Variants in INVS observed in about 807,000 individuals in gnomAD.
The protein encoded by INVS is inversin.
A neutral mutation model predicts 108.8 loss-of-function variants in INVS; 86 were observed. The ratio of observed to expected loss-of-function variants is 0.79; its 90% confidence interval spans 0.66 to 0.95. The LOEUF (loss-of-function observed/expected upper bound fraction) is 0.95. Among genes scored for constraint, INVS ranks in the 40% least tolerant of loss-of-function variants. The pLI, the probability that INVS is intolerant of heterozygous loss-of-function variation, is 0.00. For synonymous variants in INVS, 455 were observed against 473.5 expected (o/e 0.96, Z 0.51); for missense variants, 1,169 against 1,297.4 (o/e 0.90, Z 1.52).
chr9:100,172,555 A>G (rs1270152267), intron 3 of INVS, among the ~76,000 whole-genome samples: 2 of 152,200 alleles, frequency 1.3e-5, no homozygotes, highest in African/African-American at 4.8e-5. Flanking sequence ...GCAAGAAAGG[A>G]CAGAAGCTTG....
intron 3 of INVS, among the ~76,000 whole-genome samples, chr9:100,132,962 G>T (rs373263848): frequency 6.6e-6 from 1 of 151,962 alleles, no homozygotes; most frequent in Non-Finnish European, 1.5e-5. Flanking sequence ...AAACTTAGCT[G>T]GGCGTGATGG....
intron 5 of INVS, among the ~76,000 whole-genome samples, chr9:100,232,089 C>T (rs1831530972): frequency 6.6e-6 from 1 of 152,146 alleles, no homozygotes; most frequent in African/African-American, 2.4e-5. Context: ...TTTTGATTTT[C>T]ATTTCTCTAA....
At position 100,301,533 on chromosome 9, in the gene INVS, C is replaced by T. The variant is rs1833969339; in HGVS notation, c.*859C>T. On this transcript the variant is annotated 3_prime_UTR_variant, in exon 17 of 17. Coordinates refer to ENST00000262457, the MANE Select transcript of INVS (RefSeq NM_014425.5). ...GAGCAATCTTCTTAAAATGCCATTT[C>T]TGTTGGCAGGGAAGAATGAAACGGC... Among the ~76,000 whole-genome samples the T allele has an allele frequency of 6.6e-6, 1 of 152,154 alleles. No homozygotes were observed. The highest frequency in any genetic ancestry group is 2.1e-4 in the South Asian group (1 of 4,822).
At chr9:100,226,339 A>T in intron 4 of INVS, 104 bp downstream of exon 4, 1 of 868,892 alleles carries the variant, frequency 1.2e-6, no homozygotes, top group Non-Finnish European at 1.8e-6. Flanking sequence ...ACATATATAC[A>T]TGGTAGAACA....
At chr9:100,192,909 T>C (rs1159670748) in intron 3 of INVS, among the ~76,000 whole-genome samples, 2 of 152,124 alleles carry the variant, frequency 1.3e-5, no homozygotes, top group African/African-American at 4.8e-5. Flanking sequence ...TTTTAGATGC[T>C]ACTACAATAA....
chr9:100,162,577 C>A (rs1829224339), intron 3 of INVS, among the ~76,000 whole-genome samples: 1 of 152,178 alleles, frequency 6.6e-6, no homozygotes, highest in Admixed American at 6.5e-5. Context: ...CATGGAAAAT[C>A]TTCTCAGAAG....
At chr9:100,113,236 CAG>C (rs748948822) in intron 2 of INVS, among the ~76,000 whole-genome samples, 4 of 146,330 alleles carry the variant, frequency 2.7e-5, no homozygotes, top group African/African-American at 9.9e-5. Context: ...TTGTACTACA[CAG>C]AGTCTTGTGC....
chr9:100,230,455 T>G (rs2118433416), intron 5 of INVS, among the ~76,000 whole-genome samples: 1 of 152,058 alleles, frequency 6.6e-6, no homozygotes, highest in Non-Finnish European at 1.5e-5. Context: ...CATGTTTTTG[T>G]TTTTGTTTTG....
intron 5 of INVS, among the ~76,000 whole-genome samples, chr9:100,231,023 G>T (rs1433759829): frequency 6.6e-6 from 1 of 152,140 alleles, no homozygotes; most frequent in Non-Finnish European, 1.5e-5. Flanking sequence ...TGTTATAGGT[G>T]TATAGGAATG....
chr9:100,145,694 C>T (rs1212301691), intron 3 of INVS, among the ~76,000 whole-genome samples: 2 of 152,060 alleles, frequency 1.3e-5, no homozygotes, highest in Non-Finnish European at 2.9e-5. Context: ...GCAGGCGTCC[C>T]CGTGTGGTCA....
chr9:100,148,637 CAGT>C (rs796410106), intron 3 of INVS, among the ~76,000 whole-genome samples: 37 of 152,102 alleles, frequency 2.4e-4, no homozygotes, highest in African/African-American at 8.4e-4. Flanking sequence ...GGAGAAGAGG[CAGT>C]AGAAGAATTA....
chr9:100,204,284 A>G (rs1588086687), intron 3 of INVS, among the ~76,000 whole-genome samples: 1 of 152,246 alleles, frequency 6.6e-6, no homozygotes, highest in African/African-American at 2.4e-5. Context: ...TTTAATAAGG[A>G]TAATGCAGTT....
intron 7 of INVS, among the ~76,000 whole-genome samples, chr9:100,243,182 A>G (rs2118508738): frequency 6.6e-6 from 1 of 152,310 alleles, no homozygotes; most frequent in East Asian, 1.9e-4. Flanking sequence ...GTGTTCAGCC[A>G]CGTGTAATTG....
At chr9:100,241,957 A>G (rs1209620455) in intron 6 of INVS, among the ~76,000 whole-genome samples, 2 of 152,172 alleles carry the variant, frequency 1.3e-5, no homozygotes, top group Admixed American at 6.5e-5. Context: ...TGGAGATCAC[A>G]TCCTCCAGAA....
intron 3 of INVS, among the ~76,000 whole-genome samples, chr9:100,199,903 CTCT>C (rs1428657863): frequency 2.0e-5 from 3 of 152,126 alleles, no homozygotes; most frequent in Non-Finnish European, 4.4e-5. Flanking sequence ...GTTCCATTCT[CTCT>C]TCTTCTGTGA....
At chr9:100,199,933 C>G (rs773129103) in intron 3 of INVS, among the ~76,000 whole-genome samples, 3 of 152,134 alleles carry the variant, frequency 2.0e-5, no homozygotes, top group Non-Finnish European at 4.4e-5. Flanking sequence ...TTACACATAA[C>G]ATTAGACTTT....
intron 3 of INVS, among the ~76,000 whole-genome samples, chr9:100,146,632 TAA>T (rs1828624324): frequency 6.6e-6 from 1 of 152,210 alleles, no homozygotes; most frequent in Non-Finnish European, 1.5e-5. Flanking sequence ...TTTTCTTTTA[TAA>T]AACCAGTGAC....
chr9:100,163,580 A>G (rs1829262547), intron 3 of INVS, among the ~76,000 whole-genome samples: 1 of 152,178 alleles, frequency 6.6e-6, no homozygotes, highest in Admixed American at 6.6e-5. Context: ...TATATATTAT[A>G]TCAGATGGGG....
intron 12 of INVS, among the ~76,000 whole-genome samples, chr9:100,274,543 C>T (rs1477644945): frequency 6.6e-6 from 1 of 152,136 alleles, no homozygotes; most frequent in African/African-American, 2.4e-5. Context: ...CTCTCGCTGT[C>T]ACTCAGGCTG....
Sources: allele counts gnomAD v4.1 joint callset (sites outside exome capture counted in the v4.1 genomes callset), GRCh38; gene constraint gnomAD v4.1.1; transcripts MANE v1.5; gene names NCBI Gene and HGNC (gene_info 2026-07-23, HGNC 2026-07-21).